The following PTTG1IP2 variants were observed in gnomAD, a reference collection of about 807,000 sequenced individuals.
PTTG1IP2 encodes the protein PTTG1IP family member 2.
rs17861348 is a variant in PTTG1IP2 at position 90,472,320 on chromosome 7, A to C, written c.145+2389A>C. ...CACACACACACACACACACACACACACCCCAAATAATCTACCCTAGAAGAG... is the reference window on the plus strand; with the variant it reads ...CACACACACACACACACACACACACCCCCCAAATAATCTACCCTAGAAGAG... On this transcript the variant is annotated intron_variant, in intron 1 of 6. Transcript: ENST00000509356. Among the ~76,000 whole-genome samples, 184 of 101,848 alleles carry C rather than the reference A, an allele frequency of 1.8e-3. 2 individuals carry two copies. Among genetic ancestry groups the C allele is most frequent in the South Asian group, 6.0e-3 (20 of 3,314 alleles). The allele number at this position is 101,848 out of a possible 152,430, so 66.8% of individuals were successfully genotyped here.
intron 6 of PTTG1IP2, among the ~76,000 whole-genome samples, chr7:90,509,949 C>G (rs1038829992): frequency 6.6e-6 from 1 of 152,162 alleles, no homozygotes. Context: ...ATAATAGGTC[C>G]TATAGTAGCT....
At chr7:90,471,003 A>C (rs1162386758) in intron 1 of PTTG1IP2, among the ~76,000 whole-genome samples, 1 of 152,110 alleles carries the variant, frequency 6.6e-6, no homozygotes, top group Non-Finnish European at 1.5e-5. Context: ...AAAACAAATA[A>C]AATAAATCAA....
At chr7:90,509,428 GTC>G (rs1798160390) in intron 6 of PTTG1IP2, among the ~76,000 whole-genome samples, 1 of 152,126 alleles carries the variant, frequency 6.6e-6, no homozygotes, top group Admixed American at 6.5e-5. Flanking sequence ...AGACCCCAAA[GTC>G]TCCACTGTGG....
At chr7:90,487,004 G>C (rs113120195) in intron 2 of PTTG1IP2, among the ~76,000 whole-genome samples, 3 of 152,270 alleles carry the variant, frequency 2.0e-5, no homozygotes, top group African/African-American at 7.2e-5. Flanking sequence ...CTCACTTGAG[G>C]CAAGGATGCC....
intron 1 of PTTG1IP2, among the ~76,000 whole-genome samples, chr7:90,474,447 C>T (rs1220253694): frequency 6.6e-6 from 1 of 152,124 alleles, no homozygotes; most frequent in Non-Finnish European, 1.5e-5. Context: ...AAAGCCACAG[C>T]CTAAAACACA....
intron 1 of PTTG1IP2, among the ~76,000 whole-genome samples, chr7:90,478,316 G>T (rs773657802): frequency 7.2e-5 from 11 of 152,154 alleles, no homozygotes; most frequent in African/African-American, 2.7e-4. Flanking sequence ...TCCGAAAGGA[G>T]CCTGAGGCCA....
intron 1 of PTTG1IP2, among the ~76,000 whole-genome samples, chr7:90,472,131 G>C (rs527950432): frequency 6.6e-6 from 1 of 152,202 alleles, no homozygotes; most frequent in South Asian, 2.1e-4. Flanking sequence ...ATCATGGTAA[G>C]GTGGTTAGGA....
intron 1 of PTTG1IP2, among the ~76,000 whole-genome samples, chr7:90,474,255 T>C (rs1797721326): frequency 6.6e-6 from 1 of 152,200 alleles, no homozygotes; most frequent in Non-Finnish European, 1.5e-5. Context: ...AGTAAAAATA[T>C]ACAGTATTAT....
chr7:90,483,868 G>A (rs1222363865), intron 2 of PTTG1IP2, among the ~76,000 whole-genome samples: 2 of 151,952 alleles, frequency 1.3e-5, no homozygotes, highest in Admixed American at 6.6e-5. Context: ...TTTCCTAAAT[G>A]AGCACATTTC....
At chr7:90,485,078 G>A (rs991225311) in intron 2 of PTTG1IP2, among the ~76,000 whole-genome samples, 1 of 152,142 alleles carries the variant, frequency 6.6e-6, no homozygotes, top group Non-Finnish European at 1.5e-5. Context: ...ATAGGGTGAG[G>A]GAAAACTGAT....
At chr7:90,483,377 G>A (rs980878157) in intron 2 of PTTG1IP2, among the ~76,000 whole-genome samples, 3 of 152,054 alleles carry the variant, frequency 2.0e-5, no homozygotes, top group Non-Finnish European at 4.4e-5. Context: ...TCATTTCTGA[G>A]GTGAATCCCT....
chr7:90,495,535 C>T (rs1797982684), intron 6 of PTTG1IP2, among the ~76,000 whole-genome samples: 1 of 152,164 alleles, frequency 6.6e-6, no homozygotes, highest in African/African-American at 2.4e-5. Flanking sequence ...CTGCCACCTC[C>T]TACATCCACC....
intron 1 of PTTG1IP2, among the ~76,000 whole-genome samples, chr7:90,472,817 A>G (rs970445621): frequency 6.6e-6 from 1 of 152,174 alleles, no homozygotes; most frequent in African/African-American, 2.4e-5. Context: ...CTAACTTCAT[A>G]TAGCCATCTT....
At position 90,484,401 on chromosome 7, in the gene PTTG1IP2, A is replaced by G. The variant is rs1164490358; in HGVS notation, c.193-2926A>G. Among the ~76,000 whole-genome samples, 3 of 152,164 alleles carry G rather than the reference A, an allele frequency of 2.0e-5. No homozygotes were observed. The East Asian group carries it at 5.8e-4, about 29-fold the overall frequency. On this transcript the variant is annotated intron_variant, in intron 2 of 6. Transcript: ENST00000509356. ...GTGATGTCCATATAAGCTTAATAAA[A>G]CAGCTCTACCCTAAAATGAGTACTA...
intron 5 of PTTG1IP2, among the ~76,000 whole-genome samples, chr7:90,493,384 T>C (rs574810755): frequency 7.2e-5 from 11 of 152,200 alleles, no homozygotes; most frequent in Non-Finnish European, 1.6e-4. Context: ...TTCAAAAAGC[T>C]ATTTTAGGAC....
intron 1 of PTTG1IP2, among the ~76,000 whole-genome samples, chr7:90,474,484 G>T (rs886176814): frequency 9.2e-5 from 14 of 152,238 alleles, no homozygotes; most frequent in African/African-American, 3.4e-4. Flanking sequence ...TGTAAGAGTG[G>T]TTTCTGGGGT....
At chr7:90,473,462 A>C in intron 1 of PTTG1IP2, among the ~76,000 whole-genome samples, 1 of 152,182 alleles carries the variant, frequency 6.6e-6, no homozygotes, top group East Asian at 1.9e-4. Context: ...CTCCCAGAAA[A>C]GTATAGCATC....
chr7:90,509,427 A>G (rs1019670043), intron 6 of PTTG1IP2, among the ~76,000 whole-genome samples: 6 of 152,186 alleles, frequency 3.9e-5, no homozygotes, highest in Non-Finnish European at 8.8e-5. Context: ...GAGACCCCAA[A>G]GTCTCCACTG....
At chr7:90,477,711 G>T (rs1217427788) in intron 1 of PTTG1IP2, among the ~76,000 whole-genome samples, 5 of 152,142 alleles carry the variant, frequency 3.3e-5, no homozygotes, top group African/African-American at 1.2e-4. Context: ...TGTAGAGACT[G>T]GTGAAATCCT....
Sources: gnomAD v4.1 joint callset for allele counts (sites outside exome capture counted in the v4.1 genomes callset) on GRCh38, gnomAD v4.1.1 for gene constraint, MANE v1.5 for transcripts, NCBI Gene and HGNC (gene_info 2026-07-23, HGNC 2026-07-21) for gene names.